The following CLPB variants were observed in gnomAD, a reference collection of about 807,000 sequenced individuals.
CLPB encodes the protein mitochondrial disaggregase.
In CLPB, 40 loss-of-function variants were observed where a neutral mutation model predicts 78.4. The observed-to-expected ratio is 0.51, with a 90% CI of 0.40 to 0.66. The LOEUF is 0.66. CLPB is among the 30% of genes least tolerant of loss of function. The pLI is 0.00. For missense variants in CLPB, 780 were observed against 886.9 expected, an observed-to-expected ratio of 0.88 and a Z score of 1.53; for synonymous variants, 333 against 348.0, an observed-to-expected ratio of 0.96 and a Z score of 0.48.
Position 72,293,550 on chromosome 11 carries a change from A to C in CLPB, c.1851T>G (p.Cys617Trp). ...AGTCCTCCACCGTGATGCGCAAAGT[A>C]CAGCCCCCTGGCAGCAGGTCCTGCT... is the stretch of plus-strand genomic sequence containing the variant. The part of the protein sequence containing the change: ...AYEQDLLPGG[C>W]TLRITVEDSD... Residue 617 changes from cysteine to tryptophan, a missense_variant, in exon 16 of 16, where the codon TGT becomes TGG. Physicochemically the swap from Cys to Trp is radical, Grantham distance 215 (BLOSUM62 -2). Transcript: ENST00000538039. The C allele has an allele frequency of 6.2e-7, 1 of 1,613,944 alleles. No homozygotes were observed. The highest frequency in any genetic ancestry group is 8.5e-7 in the Non-Finnish European group (1 of 1,179,956).
At chr11:72,311,624 G>A (rs1949849196) in intron 7 of CLPB, among the ~76,000 whole-genome samples, 1 of 152,188 alleles carries the variant, frequency 6.6e-6, no homozygotes, top group Non-Finnish European at 1.5e-5. Context: ...ACTCTCCGCT[G>A]CCACAGCACC....
intron 2 of CLPB, among the ~76,000 whole-genome samples, chr11:72,421,869 ACGCCACT>A (rs1856209832): frequency 6.6e-6 from 1 of 152,226 alleles, no homozygotes; most frequent in African/African-American, 2.4e-5. Flanking sequence ...GCCAGGCACT[ACGCCACT>A]CTGTAGAACT....
chr11:72,386,236 T>C (rs899267694), intron 3 of CLPB, among the ~76,000 whole-genome samples: 5 of 152,176 alleles, frequency 3.3e-5, no homozygotes, highest in African/African-American at 9.6e-5. Flanking sequence ...CTAGTCAGGA[T>C]GAATTTTTTT....
intron 3 of CLPB, among the ~76,000 whole-genome samples, chr11:72,387,159 T>C (rs888224924): frequency 2.2e-4 from 34 of 152,196 alleles, no homozygotes; most frequent in Admixed American, 1.8e-3. Flanking sequence ...AGATTCTCCA[T>C]TGAAGTCCAC....
intron 14 of CLPB, 95 bp from the exon 15 acceptor site, chr11:72,294,221 C>A (rs933544277): frequency 4.4e-6 from 7 of 1,605,892 alleles, no homozygotes; most frequent in Non-Finnish European, 6.0e-6. Flanking sequence ...GGCCCCACAC[C>A]ACTGTGCTCC....
chr11:72,420,384 C>G (rs372985225), intron 2 of CLPB, among the ~76,000 whole-genome samples: 1 of 152,012 alleles, frequency 6.6e-6, no homozygotes, highest in Admixed American at 6.5e-5. Context: ...ATCCCAGCTA[C>G]TCGGGAGGCT....
intron 3 of CLPB, among the ~76,000 whole-genome samples, chr11:72,399,057 T>G (rs1186497199): frequency 6.7e-6 from 1 of 149,890 alleles, no homozygotes; most frequent in East Asian, 1.9e-4. Context: ...ATAATATATA[T>G]TTTATATATA....
At chr11:72,382,409 T>C (rs35431253) in intron 3 of CLPB, among the ~76,000 whole-genome samples, 73 of 152,316 alleles carry the variant, frequency 4.8e-4, no homozygotes, top group Non-Finnish European at 8.2e-4. Flanking sequence ...TCAATCCCAA[T>C]GACTAACCAT....
At chr11:72,430,263 CT>C (rs766084144) in intron 2 of CLPB, 48 bp downstream of exon 2, 5 of 1,564,214 alleles carry the variant, frequency 3.2e-6, no homozygotes, top group Admixed American at 3.5e-5. Context: ...GAGGCTCGCC[CT>C]GCTCAGCCTC....
chr11:72,391,484 C>T (rs934021810), intron 3 of CLPB, among the ~76,000 whole-genome samples: 18 of 152,346 alleles, frequency 1.2e-4, no homozygotes, highest in African/African-American at 4.1e-4. Context: ...AACCTTATTT[C>T]CCAGCTCCCT....
intron 7 of CLPB, among the ~76,000 whole-genome samples, chr11:72,316,495 T>C (rs552138913): frequency 5.8e-4 from 88 of 152,298 alleles, no homozygotes; most frequent in Admixed American, 3.1e-3. Context: ...TATCTGCTCG[T>C]TGGGTCTGCA....
chr11:72,377,169 G>A (rs1003508042), intron 4 of CLPB, among the ~76,000 whole-genome samples: 1 of 152,188 alleles, frequency 6.6e-6, no homozygotes, highest in Non-Finnish European at 1.5e-5. Flanking sequence ...TGTGAACAAA[G>A]CAGAGGAATG....
Position 72,424,750 on chromosome 11 carries a change from T to G in CLPB, c.455+5562A>C, listed in dbSNP as rs576012670. Among the ~76,000 whole-genome samples the G allele has an allele frequency of 3.0e-3, 453 of 152,150 alleles. 3 individuals carry two copies. Among genetic ancestry groups the G allele is most frequent in the African/African-American group, 9.2e-3 (382 of 41,518 alleles). ...AAATACAAAAAATTAGCCGGGCGCG[T>G]TGGCGGGCACCTGTAGTCCCAGCTA... On this transcript the variant is annotated intron_variant, in intron 2 of 15. Transcript: ENST00000538039.
At chr11:72,293,802 C>G (rs771064561) in intron 15 of CLPB, among the ~76,000 whole-genome samples, 187 bp from the exon 16 acceptor site, 1 of 152,210 alleles carries the variant, frequency 6.6e-6, no homozygotes, top group Admixed American at 6.5e-5. Flanking sequence ...AGGCTCCCAG[C>G]CCAGTTCCCT....
At chr11:72,419,599 A>C (rs1856128536) in intron 2 of CLPB, among the ~76,000 whole-genome samples, 2 of 152,154 alleles carry the variant, frequency 1.3e-5, no homozygotes, top group Admixed American at 6.5e-5. Flanking sequence ...CTCTAGCTGG[A>C]GTACCATTGG....
intron 3 of CLPB, among the ~76,000 whole-genome samples, chr11:72,396,507 T>G (rs1005107824): frequency 1.3e-5 from 2 of 152,160 alleles, no homozygotes; most frequent in Non-Finnish European, 2.9e-5. Context: ...TGTCCCTGCA[T>G]GAGAGTCCAG....
At chr11:72,369,099 G>GA (rs1374799455) in intron 4 of CLPB, among the ~76,000 whole-genome samples, 1 of 152,174 alleles carries the variant, frequency 6.6e-6, no homozygotes, top group Non-Finnish European at 1.5e-5. Flanking sequence ...CAAGGAACTT[G>GA]AAGAAGACAG....
intron 10 of CLPB, 164 bp from the exon 11 acceptor site, chr11:72,302,128 T>A: frequency 1.0e-6 from 1 of 986,758 alleles, no homozygotes; most frequent in Non-Finnish European, 1.5e-6. Context: ...TTCTCTATGT[T>A]TATTCTTCAG....
At chr11:72,427,358 A>C (rs927978077) in intron 2 of CLPB, among the ~76,000 whole-genome samples, 2 of 152,188 alleles carry the variant, frequency 1.3e-5, no homozygotes, top group Admixed American at 1.3e-4. Context: ...ACGAGGTCTG[A>C]GTTTTGCTCT....
Sources: allele counts gnomAD v4.1 joint callset (sites outside exome capture counted in the v4.1 genomes callset), GRCh38; gene constraint gnomAD v4.1.1; transcripts MANE v1.5; gene names NCBI Gene and HGNC (gene_info 2026-07-23, HGNC 2026-07-21).